IL22RA2: variants seen among roughly 807,000 people sequenced by gnomAD.
IL22RA2 encodes the protein interleukin-22 receptor subunit alpha-2.
Under a neutral mutation model 30.7 loss-of-function variants are expected in IL22RA2, and 39 were observed. The ratio of observed to expected loss-of-function variants is 1.27; its 90% CI spans 0.98 to 1.66. The LOEUF is 1.66. IL22RA2 is among the 40% of genes most tolerant of loss of function. IL22RA2 has a pLI of 0.00. For synonymous variants in IL22RA2, 103 were observed against 105.0 expected, an observed-to-expected ratio of 0.98 and a Z score of 0.11; for missense variants, 315 against 312.7, an observed-to-expected ratio of 1.01 and a Z score of -0.05.
chr6:137,168,948 CTGTT>C (rs1302269069), intron 1 of IL22RA2, among the ~76,000 whole-genome samples: 1 of 152,210 alleles, frequency 6.6e-6, no homozygotes, highest in African/African-American at 2.4e-5. Context: ...AACTGAAAAT[CTGTT>C]TGTCCAGCTA....
At chr6:137,151,012 A>G (rs748122027) in intron 5 of IL22RA2, among the ~76,000 whole-genome samples, 6 of 152,178 alleles carry the variant, frequency 3.9e-5, no homozygotes, top group South Asian at 2.1e-4. Context: ...GAATGTGAAT[A>G]TTTCTGTGGC....
chr6:137,152,019 A>T (rs1778301963), intron 5 of IL22RA2, among the ~76,000 whole-genome samples: 1 of 152,288 alleles, frequency 6.6e-6, no homozygotes, highest in Non-Finnish European at 1.5e-5. Context: ...AGACCCAGCA[A>T]TTCCACTCCT....
chr6:137,156,858 G>C lies in IL22RA2; in HGVS notation c.198-4C>G. 6.2e-7 allele frequency: 1 copy of C among 1,610,342 alleles called. No individual in the cohort carries two copies. Among genetic ancestry groups the C allele is most frequent in the South Asian group, 1.1e-5 (1 of 90,976 alleles). On this transcript the variant is annotated splice_region_variant and splice_polypyrimidine_tract_variant and intron_variant, in intron 3 of 6. Transcript: ENST00000296980. ...TTTCATGCTGCATGAGAACATGCTA[G>C]AGAAGGTCAATGGGGAAAACAGATC...
At chr6:137,157,442 G>A (rs201109663) in intron 3 of IL22RA2, among the ~76,000 whole-genome samples, 28 of 150,244 alleles carry the variant, frequency 1.9e-4, no homozygotes, top group Admixed American at 3.3e-4. Context: ...GAGAGAAGTC[G>A]TAGCGGTTAA....
At chr6:137,160,737 A>G (rs905298441) in intron 2 of IL22RA2, among the ~76,000 whole-genome samples, 1 of 152,200 alleles carries the variant, frequency 6.6e-6, no homozygotes, top group Non-Finnish European at 1.5e-5. Context: ...CATTCTACAG[A>G]TGAGGAAGCT....
chr6:137,151,617 T>C (rs1011287884), intron 5 of IL22RA2, among the ~76,000 whole-genome samples: 1 of 152,128 alleles, frequency 6.6e-6, no homozygotes, highest in Non-Finnish European at 1.5e-5. Flanking sequence ...AAAAGACAAC[T>C]CACAGAATGG....
chr6:137,161,430 G>GAA (rs1227348968), intron 2 of IL22RA2, among the ~76,000 whole-genome samples: 1 of 152,058 alleles, frequency 6.6e-6, no homozygotes, highest in East Asian at 1.9e-4. Flanking sequence ...GAGAGAGAGA[G>GAA]AAATGGATGT....
intron 1 of IL22RA2, among the ~76,000 whole-genome samples, chr6:137,163,186 G>T (rs1003765162): frequency 6.6e-6 from 1 of 152,196 alleles, no homozygotes; most frequent in Non-Finnish European, 1.5e-5. Context: ...TGCTGCCTTT[G>T]TTTCTTGCTT....
At chr6:137,155,191 A>C in intron 4 of IL22RA2, 72 bp from the exon 5 acceptor site, 14 of 1,074,158 alleles carry the variant, frequency 1.3e-5, no homozygotes, top group Non-Finnish European at 1.9e-5. Flanking sequence ...TTTCAGACTA[A>C]TAATTTTTTA....
chr6:137,158,925 A>C (rs555505928), intron 2 of IL22RA2, among the ~76,000 whole-genome samples: 1 of 152,100 alleles, frequency 6.6e-6, no homozygotes, highest in Non-Finnish European at 1.5e-5. Flanking sequence ...TCAGCCCAGC[A>C]CTCAGTCCCT....
At chr6:137,172,708 A>G (rs1284885343) in intron 1 of IL22RA2, among the ~76,000 whole-genome samples, 3 of 152,150 alleles carry the variant, frequency 2.0e-5, no homozygotes, top group Admixed American at 6.5e-5. Flanking sequence ...TATTTCCATC[A>G]TCGTGTTGAC....
At chr6:137,161,124 T>C (rs1214789516) in intron 2 of IL22RA2, among the ~76,000 whole-genome samples, 1 of 152,240 alleles carries the variant, frequency 6.6e-6, no homozygotes, top group African/African-American at 2.4e-5. Flanking sequence ...GTGGTCCCTA[T>C]CCTGTGCCAG....
intron 1 of IL22RA2, 30 bp from the exon 2 acceptor site, chr6:137,161,844 C>T: frequency 1.1e-6 from 1 of 924,540 alleles, no homozygotes; most frequent in Non-Finnish European, 1.7e-6. Flanking sequence ...ACAATCACTC[C>T]CGGGTTTAAG....
chr6:137,158,628 C>T, intron 2 of IL22RA2, 146 bp from the exon 3 acceptor site: 1 of 739,478 alleles, frequency 1.4e-6, no homozygotes, highest in Admixed American at 2.5e-5. Flanking sequence ...CAGAAATCAA[C>T]ATTTTGAATC....
intron 1 of IL22RA2, among the ~76,000 whole-genome samples, chr6:137,171,005 G>A (rs1353062412): frequency 3.9e-5 from 6 of 152,240 alleles, no homozygotes; most frequent in African/African-American, 1.4e-4. Flanking sequence ...AAAAAGAGAG[G>A]CTCTTTAGAT....
intron 1 of IL22RA2, among the ~76,000 whole-genome samples, chr6:137,165,751 C>A (rs1778614409): frequency 6.6e-6 from 1 of 152,052 alleles, no homozygotes; most frequent in Admixed American, 6.5e-5. Context: ...TCCTTTATAC[C>A]AGAAGGGCAC....
intron 1 of IL22RA2, among the ~76,000 whole-genome samples, chr6:137,163,666 G>T (rs1778570784): frequency 6.6e-6 from 1 of 152,186 alleles, no homozygotes. Context: ...CACCTCCAAG[G>T]GCATGACAAC....
chr6:137,165,267 G>A (rs761097103), intron 1 of IL22RA2, among the ~76,000 whole-genome samples: 72 of 152,344 alleles, frequency 4.7e-4, no homozygotes, highest in Non-Finnish European at 8.5e-4. Context: ...TTTTATGAGA[G>A]GCTGTGCGAG....
At chr6:137,164,333 T>G (rs1778585058) in intron 1 of IL22RA2, among the ~76,000 whole-genome samples, 1 of 152,082 alleles carries the variant, frequency 6.6e-6, no homozygotes, top group Non-Finnish European at 1.5e-5. Context: ...GGCACCTGGA[T>G]CAGTTTCCGT....
Sources: allele counts gnomAD v4.1 joint callset (sites outside exome capture counted in the v4.1 genomes callset), GRCh38; gene constraint gnomAD v4.1.1; transcripts MANE v1.5; gene names NCBI Gene and HGNC (gene_info 2026-07-23, HGNC 2026-07-21).